Variants in ZNF175 observed in about 807,000 individuals in gnomAD.
ZNF175 encodes zinc finger protein 175.
ZNF175 carries 8 observed loss-of-function variants against 14.0 expected under a neutral mutation model. The ratio of observed to expected loss-of-function variants is 0.57; its 90% CI spans 0.34 to 1.03. The LOEUF is 1.03. ZNF175 is among the 50% of genes least tolerant of loss of function. The pLI is 0.03. For missense variants in ZNF175, 764 were observed against 849.5 expected (o/e 0.90, Z 1.25); for synonymous variants, 255 against 296.8 (o/e 0.86, Z 1.45).
chr19:51,583,145 G>A (rs771714065), intron 4 of ZNF175, among the ~76,000 whole-genome samples: 7 of 152,126 alleles, frequency 4.6e-5, no homozygotes, highest in East Asian at 1.9e-4. Context: ...GTGAGCCACC[G>A]TGCCCGGCTA....
intron 4 of ZNF175, among the ~76,000 whole-genome samples, chr19:51,585,544 G>C (rs1382776367): frequency 1.3e-5 from 2 of 152,016 alleles, no homozygotes; most frequent in African/African-American, 4.8e-5. Context: ...AAAGATGATT[G>C]AGTTTTTTTG....
rs1133254 is a variant in ZNF175, at chr19:51,589,720, A to C, written c.*1253A>C. The C allele has an allele frequency of 3.2e-6, 2 of 626,910 alleles. No individual in the cohort carries two copies. The highest frequency in any genetic ancestry group is 3.7e-5 in the African/African-American group (2 of 54,776). 38.8% of individuals were successfully genotyped at this position (626,910 alleles called of 1,614,324 possible). ...TTTTAAAATAAAGTTTTATTGGAAC[A>C]CAGCCATGTTCATTTGGACATGTAT... On this transcript the variant is annotated 3_prime_UTR_variant, in exon 5 of 5. Coordinates refer to ENST00000262259, the MANE Select transcript of ZNF175 (RefSeq NM_007147.4).
At chr19:51,579,576 A>C (rs1981929161) in intron 2 of ZNF175, among the ~76,000 whole-genome samples, 1 of 152,196 alleles carries the variant, frequency 6.6e-6, no homozygotes, top group South Asian at 2.1e-4. Context: ...CTGTACCAAA[A>C]TGCATACAGT....
chr19:51,574,882 T>C (rs1052859546), intron 2 of ZNF175, among the ~76,000 whole-genome samples: 1 of 152,148 alleles, frequency 6.6e-6, no homozygotes, highest in Non-Finnish European at 1.5e-5. Context: ...CAGTTTATCA[T>C]TTGAATCAAT....
chr19:51,574,098 A>G (rs182758786), intron 2 of ZNF175: 6 of 152,354 alleles, frequency 3.9e-5, no homozygotes, highest in African/African-American at 1.4e-4. Context: ...GTATGTGACT[A>G]TAATAGTAAA....
At chr19:51,577,876 G>A (rs1228689821) in intron 2 of ZNF175, among the ~76,000 whole-genome samples, 2 of 151,254 alleles carry the variant, frequency 1.3e-5, no homozygotes, top group Admixed American at 6.6e-5. Context: ...TGTTAGCCAG[G>A]ATGGTCTCAA....
At chr19:51,581,023 C>T (rs1981978910) in intron 2 of ZNF175, among the ~76,000 whole-genome samples, 1 of 152,108 alleles carries the variant, frequency 6.6e-6, no homozygotes, top group South Asian at 2.1e-4. Context: ...CTCTGAGTTG[C>T]TGCAAGAGTA....
chr19:51,589,204 A>G lies in ZNF175; in HGVS notation c.*737A>G, dbSNP rs1180197835. 2.1e-5 allele frequency: 5 copies of G among 235,108 alleles called. No homozygotes were observed. Among genetic ancestry groups the G allele is most frequent in the Non-Finnish European group, 4.1e-5 (5 of 122,774 alleles). 14.6% of individuals were successfully genotyped at this position (235,108 alleles called of 1,614,324 possible). On this transcript the variant is annotated 3_prime_UTR_variant, in exon 5 of 5. Transcript: ENST00000262259. ...TGTATGTACGTATATTTCTGTATCT[A>G]TGTATGTATATATATGCATATGCAG...
chr19:51,578,779 C>T lies in ZNF175; in HGVS notation c.73-2612C>T, dbSNP rs1368971369. On this transcript the variant is annotated intron_variant, in intron 2 of 4. Transcript: ENST00000262259. The stretch of plus-strand genomic sequence containing the variant: ...GACATCCTGTCTCAAAAAACAAAAA[C>T]AAAAGACCTGAGAGGTTTACAGGAC... Among the ~76,000 whole-genome samples the T allele has an allele frequency of 2.0e-5, 3 of 151,864 alleles. No individual in the cohort carries two copies. In the East Asian group the frequency reaches 5.8e-4, roughly 30 times the overall value.
Position 51,587,125 on chromosome 19 carries a change from A to T in ZNF175, c.794A>T (p.Gln265Leu). ...TGTAGAAAAGTCTGTGGCCATAAAC[A>T]GTCACTCAAGCAACATCAAATTCAT... ...NQCRKVCGHK[Q>L]SLKQHQIHTQ... The change falls in exon 5 of 5, where the codon CAG (glutamine) becomes CTG (leucine). Residue 265 changes from glutamine (Q) to leucine (L), a missense_variant. Transcript: ENST00000262259. The T allele has an allele frequency of 1.1e-5, 18 of 1,614,208 alleles. No individual in the cohort carries two copies. The highest frequency in any genetic ancestry group is 1.4e-5 in the Non-Finnish European group (16 of 1,180,028).
chr19:51,583,128 T>C (rs1434503555), intron 4 of ZNF175, among the ~76,000 whole-genome samples: 4 of 152,192 alleles, frequency 2.6e-5, no homozygotes, highest in Admixed American at 2.0e-4. Flanking sequence ...GTGCTGAGAT[T>C]ACAGGCGTGA....
At chr19:51,573,658 A>G (rs1981672145) in intron 2 of ZNF175, 2 of 470,048 alleles carry the variant, frequency 4.3e-6, no homozygotes, top group South Asian at 9.1e-5. Context: ...CAGAAGCCCC[A>G]GTCATAGGAT....
intron 2 of ZNF175, among the ~76,000 whole-genome samples, chr19:51,576,706 T>C (rs915908878): frequency 1.3e-4 from 20 of 152,212 alleles, no homozygotes; most frequent in African/African-American, 4.6e-4. Flanking sequence ...CGCCTCACGC[T>C]GTCTTCTCAT....
intron 2 of ZNF175, chr19:51,574,142 C>A (rs1981691756): frequency 6.6e-6 from 1 of 151,896 alleles, no homozygotes; most frequent in African/African-American, 2.4e-5. Context: ...GGTTTATAAC[C>A]AAATTTACAG....
rs764337469 is a variant in ZNF175, at chr19:51,581,778, A to G, written c.200-9A>G. 7 of 1,613,066 alleles carry G rather than the reference A, an allele frequency of 4.3e-6. No homozygotes were observed. The highest frequency in any genetic ancestry group is 4.5e-5 in the East Asian group (2 of 44,900). On this transcript the variant is annotated splice_polypyrimidine_tract_variant and intron_variant, in intron 3 of 4. Coordinates refer to ENST00000262259, the MANE Select transcript of ZNF175 (RefSeq NM_007147.4). The stretch of plus-strand genomic sequence containing the variant: ...TACACCCAAATCCAGTATCCTTTCT[A>G]ATTAACAGGGTATCACATTCCCAAC...
chr19:51,573,436 A>C, intron 2 of ZNF175, 35 bp downstream of exon 2: 1 of 1,606,460 alleles, frequency 6.2e-7, no homozygotes, highest in Non-Finnish European at 8.5e-7. Flanking sequence ...AGTTCTCCAG[A>C]ACGTGAGGGC....
Position 51,591,310 on chromosome 19 carries a change from A to G in ZNF175, c.*2843A>G, listed in dbSNP as rs540639001. The G allele has an allele frequency of 1.3e-5, 2 of 152,448 alleles. No homozygotes were observed. Among genetic ancestry groups the G allele is most frequent in the Non-Finnish European group, 2.9e-5 (2 of 68,128 alleles). 9.4% of individuals were successfully genotyped at this position (152,448 alleles called of 1,614,324 possible). ...GCTGGGACAAGCCAGTCTGTACTCA[A>G]TGCCTGTGGGATAATAGACGGAGGA... On this transcript the variant is annotated 3_prime_UTR_variant, in exon 5 of 5. Transcript: ENST00000262259.
At chr19:51,580,501 G>A (rs936895812) in intron 2 of ZNF175, among the ~76,000 whole-genome samples, 1 of 152,164 alleles carries the variant, frequency 6.6e-6, no homozygotes, top group African/African-American at 2.4e-5. Context: ...CTGTAATGAA[G>A]ATCTTTCCAT....
chr19:51,578,270 G>T (rs77628825), intron 2 of ZNF175, among the ~76,000 whole-genome samples: 11,104 of 151,706 alleles, frequency 0.073, 1,068 homozygotes, highest in East Asian at 0.52. Flanking sequence ...CATGGTGGCG[G>T]GTGCCTGTAA....
Sources: allele counts gnomAD v4.1 joint callset (sites outside exome capture counted in the v4.1 genomes callset), GRCh38; gene constraint gnomAD v4.1.1; transcripts MANE v1.5; gene names NCBI Gene and HGNC (gene_info 2026-07-23, HGNC 2026-07-21).